The following TGM2 variants were observed in gnomAD, a reference collection of about 807,000 sequenced individuals.
TGM2 encodes transglutaminase 2, also known as protein-glutamine gamma-glutamyltransferase 2.
In TGM2, 53 loss-of-function variants were observed where a neutral mutation model predicts 75.6. The ratio of observed to expected loss-of-function variants is 0.70; its 90% CI spans 0.56 to 0.88. The LOEUF (loss-of-function observed/expected upper bound fraction) is 0.88, where lower values mean the gene tolerates loss of function less well. Ranked by LOEUF, TGM2 falls within the 40% of genes least tolerant of loss-of-function variation. The pLI is 0.00. For missense variants in TGM2, 842 were observed against 928.5 expected (o/e 0.91, Z 1.21); for synonymous variants, 374 against 381.1 (o/e 0.98, Z 0.22).
At position 38,141,285 on chromosome 20, in the gene TGM2, C is replaced by T. The variant is rs147979857; in HGVS notation, c.1096G>A (p.Glu366Lys). The T allele has an allele frequency of 3.4e-4, 529 of 1,570,196 alleles. 1 individual carries two copies. The African/African-American group carries it at 6.2e-3, about 19-fold the overall frequency. Residue 366 changes from glutamate (E) to lysine (K), a missense_variant, in exon 8 of 13, where the codon GAA (glutamate) becomes AAA (lysine). Glu to Lys is a moderately conservative substitution (Grantham distance 56). Coordinates refer to ENST00000361475, the MANE Select transcript of TGM2 (RefSeq NM_004613.4). ...GCGACAGTGCCCGCCCACGCACCTT[C>T]GCTCTTCTCCTGGGGCGTTGGGTCC... ...ALDPTPQEKSEGTYCCGPVPV... is the reference protein window; with the variant it reads ...ALDPTPQEKSKGTYCCGPVPV...
At chr20:38,140,357 T>C (rs935128504) in intron 8 of TGM2, among the ~76,000 whole-genome samples, 2 of 152,202 alleles carry the variant, frequency 1.3e-5, no homozygotes, top group African/African-American at 4.8e-5. Context: ...GAAATGCCAA[T>C]GCTTTATCCA....
chr20:38,141,848 T>A (rs532028342), intron 7 of TGM2, among the ~76,000 whole-genome samples: 1 of 151,894 alleles, frequency 6.6e-6, no homozygotes, highest in African/African-American at 2.4e-5. Flanking sequence ...TAATGTGGCA[T>A]TCCAGACTCC....
rs753630955 is a variant in TGM2 at position 38,161,510 on chromosome 20, G to A, written c.100C>T (p.Arg34Ter). The A allele has an allele frequency of 9.9e-6, 16 of 1,613,976 alleles. No homozygotes were observed. The highest frequency in any genetic ancestry group is 5.0e-5 in the Admixed American group (3 of 59,998). Reference protein sequence around the residue: ...ADLCREKLVVRRGQPFWLTLH... With the variant: ...ADLCREKLVV ...GTCAGCCAGAAGGGCTGGCCCCGTC[G>A]CACCACCAGCTTCTCCCGGCACAGG... Residue 34 changes from arginine to a stop codon, truncating the protein, a stop_gained, in exon 2 of 13, where the codon CGA (arginine) becomes TGA (stop). Transcript: ENST00000361475. LOFTEE classifies it high-confidence loss of function.
intron 2 of TGM2, 97 bp from the exon 3 acceptor site, chr20:38,156,186 T>C: frequency 7.0e-7 from 1 of 1,430,560 alleles, no homozygotes; most frequent in African/African-American, 1.4e-5. Flanking sequence ...CCAGGCCTAG[T>C]TCTGCCACTA....
chr20:38,144,212 C>T (rs1171094873), intron 6 of TGM2, among the ~76,000 whole-genome samples: 1 of 152,224 alleles, frequency 6.6e-6, no homozygotes, highest in Non-Finnish European at 1.5e-5. Flanking sequence ...ACACCTGGAT[C>T]AGAGACTGAC....
At position 38,127,959 on chromosome 20, in the gene TGM2, G is replaced by A. The variant is rs1040639209; in HGVS notation, c.*2260C>T. On this transcript the variant is annotated 3_prime_UTR_variant, in exon 13 of 13. Coordinates refer to ENST00000361475, the MANE Select transcript of TGM2 (RefSeq NM_004613.4). ...ATTTATTAGTGTATTTAAGAGATACGTGGTCCCTGCCTCGAGGGCTTCAGA... is the reference window on the plus strand; with the variant it reads ...ATTTATTAGTGTATTTAAGAGATACATGGTCCCTGCCTCGAGGGCTTCAGA... 6.6e-6 allele frequency: 1 copy of A among 152,148 alleles called. No homozygotes were observed. Among genetic ancestry groups the A allele is most frequent in the Admixed American group, 6.5e-5 (1 of 15,278 alleles). The allele number at this position is 152,148 out of a possible 1,614,324, so 9.4% of individuals were successfully genotyped here.
intron 5 of TGM2, 134 bp downstream of exon 5, chr20:38,147,827 T>C: frequency 7.8e-7 from 1 of 1,287,640 alleles, no homozygotes; most frequent in Non-Finnish European, 1.1e-6. Context: ...CTTTCCAATA[T>C]AAGGTCTTTT....
At chr20:38,167,562 C>T (rs1372091206), upstream of TGM2, among the ~76,000 whole-genome samples, 1 of 152,152 alleles carries the variant, frequency 6.6e-6, no homozygotes, top group Non-Finnish European at 1.5e-5. Context: ...TGGTCTCAAA[C>T]TCCTGAGCTC....
In TGM2 at chr20:38,128,899, C is replaced by A; in HGVS notation, c.*1320G>T. The A allele has an allele frequency of 6.6e-6, 1 of 152,466 alleles. No homozygotes were observed. Among genetic ancestry groups the A allele is most frequent in the Non-Finnish European group, 1.5e-5 (1 of 68,120 alleles). The allele number at this position is 152,466 out of a possible 1,614,324, so 9.4% of individuals were successfully genotyped here. On this transcript the variant is annotated 3_prime_UTR_variant, in exon 13 of 13. Coordinates refer to ENST00000361475, the MANE Select transcript of TGM2 (RefSeq NM_004613.4). ...GGGTGCCAACCTTGTTGGTTAGTGA[C>A]CAGCACTGGCAGCTAAGGCTGTTGG...
intron 2 of TGM2, among the ~76,000 whole-genome samples, chr20:38,157,054 A>G (rs1379418660): frequency 1.3e-5 from 2 of 152,184 alleles, no homozygotes; most frequent in Non-Finnish European, 2.9e-5. Context: ...GGGGCTGGTC[A>G]CTTTCTGGAC....
At chr20:38,150,313 A>G (rs1740368220) in intron 4 of TGM2, among the ~76,000 whole-genome samples, 1 of 152,222 alleles carries the variant, frequency 6.6e-6, no homozygotes, top group African/African-American at 2.4e-5. Flanking sequence ...CCCAGCCTAG[A>G]CAGCCATGCA....
chr20:38,130,421 C>G, intron 12 of TGM2, 52 bp from the exon 13 acceptor site: 1 of 1,544,632 alleles, frequency 6.5e-7, no homozygotes, highest in Non-Finnish European at 8.8e-7. Flanking sequence ...CTGGCTCCCG[C>G]ATGCTGGGGT....
upstream of TGM2, among the ~76,000 whole-genome samples, chr20:38,167,008 C>T (rs530508606): frequency 5.8e-4 from 88 of 152,220 alleles, no homozygotes; most frequent in African/African-American, 1.8e-3. Flanking sequence ...CAGTTTCCTC[C>T]TCTGCAAAAT....
At chr20:38,132,696 C>T (rs540860247) in intron 10 of TGM2, 196 bp from the exon 11 acceptor site, 13 of 751,998 alleles carry the variant, frequency 1.7e-5, no homozygotes, top group South Asian at 4.3e-5. Flanking sequence ...CACTGAGCAG[C>T]GGGTAGAGGA....
Position 38,155,395 on chromosome 20 carries a change from G to A in TGM2, c.433+452C>T, listed in dbSNP as rs1017348957. Among the ~76,000 whole-genome samples the A allele has an allele frequency of 3.9e-5, 6 of 152,112 alleles. No homozygotes were observed. The East Asian group carries it at 1.2e-3, about 29-fold the overall frequency. On this transcript the variant is annotated intron_variant, in intron 3 of 12. Coordinates refer to ENST00000361475, the MANE Select transcript of TGM2 (RefSeq NM_004613.4). ...CTCACCCTGATAACCAGCCTGGAGT[G>A]CAGTGGTATAATCATAGCTCACTGC...
intron 2 of TGM2, among the ~76,000 whole-genome samples, chr20:38,158,770 G>C (rs142313243): frequency 1.3e-5 from 2 of 152,320 alleles, no homozygotes; most frequent in East Asian, 3.9e-4. Context: ...CAGCTCTCCT[G>C]CTTCTCTGGG....
Position 38,139,808 on chromosome 20 carries a change from C to T in TGM2, c.1100-154G>A, listed in dbSNP as rs45531733. The stretch of plus-strand genomic sequence containing the variant: ...CCACTTCCAGGAGGGCACCACAGGG[C>T]AAGGGTTCAGAATAGGGGCTCTGGA... On this transcript the variant is annotated intron_variant, in intron 8 of 12. Transcript: ENST00000361475. Among the ~76,000 whole-genome samples the T allele has an allele frequency of 5.1e-3, 778 of 152,240 alleles. 2 individuals are homozygous for T. Among genetic ancestry groups the T allele is most frequent in the African/African-American group, 0.018 (742 of 41,530 alleles).
At chr20:38,141,790 A>G (rs2074978690) in intron 7 of TGM2, among the ~76,000 whole-genome samples, 1 of 139,598 alleles carries the variant, frequency 7.2e-6, no homozygotes. Context: ...TCCCACTCTG[A>G]ATCCTTGAGT....
Position 38,142,332 on chromosome 20 carries a change from C to T in TGM2, c.860-133G>A. Reference sequence around the variant, plus strand: ...GTGCTGAGAACATGAGCCAGCCCTTCCTGCCGGGACAATGGCGCCCACCTC... The same window carrying T: ...GTGCTGAGAACATGAGCCAGCCCTTTCTGCCGGGACAATGGCGCCCACCTC... On this transcript the variant is annotated intron_variant, in intron 6 of 12. Coordinates refer to ENST00000361475, the MANE Select transcript of TGM2 (RefSeq NM_004613.4). 5.0e-6 allele frequency: 7 copies of T among 1,411,782 alleles called. No homozygotes were observed. The South Asian group carries it at 9.4e-5, about 19-fold the overall frequency. The allele number at this position is 1,411,782 out of a possible 1,614,324, so 87.5% of individuals were successfully genotyped here. A position where few individuals can be genotyped will look rare whatever the true frequency, so the allele number is the denominator to read the frequency against.
Sources: gnomAD v4.1 joint callset for allele counts (sites outside exome capture counted in the v4.1 genomes callset) on GRCh38, gnomAD v4.1.1 for gene constraint, MANE v1.5 for transcripts, NCBI Gene and HGNC (gene_info 2026-07-23, HGNC 2026-07-21) for gene names.